IQCM: variants seen among roughly 807,000 people sequenced by gnomAD.
The protein encoded by IQCM is IQ motif containing M.
IQCM carries 45 observed loss-of-function variants against 57.6 expected under a neutral mutation model. The ratio of observed to expected loss-of-function variants is 0.78; its 90% CI spans 0.62 to 1.00. IQCM has a LOEUF of 1.00. Among genes scored for constraint, IQCM ranks in the 50% least tolerant of loss-of-function variants. The pLI, the probability that IQCM is intolerant of heterozygous loss-of-function variation, is 0.00. For missense variants in IQCM, 468 were observed against 511.6 expected (o/e 0.91, Z 0.82); for synonymous variants, 148 against 158.9 (o/e 0.93, Z 0.51).
chr4:149,397,443 C>G (rs771604093), intron 13 of IQCM, among the ~76,000 whole-genome samples: 13 of 151,848 alleles, frequency 8.6e-5, no homozygotes, highest in Non-Finnish European at 1.3e-4. Flanking sequence ...GGTGATTTCC[C>G]CCATTGCTGT....
chr4:149,481,712 T>TTTTTGTTTGTTTG, intron 12 of IQCM, among the ~76,000 whole-genome samples: 2 of 138,824 alleles, frequency 1.4e-5, no homozygotes, highest in African/African-American at 2.7e-5. Flanking sequence ...TTTTTTTTTT[T>TTTTTGTTTGTTTG]TTTTTTTTTT....
chr4:149,399,040 T>C (rs916441752), intron 13 of IQCM, among the ~76,000 whole-genome samples: 10 of 152,212 alleles, frequency 6.6e-5, no homozygotes, highest in Middle Eastern at 6.8e-3. Flanking sequence ...TGGTCCCATA[T>C]TTTATTCTTG....
chr4:149,765,185 G>T (rs1769923854), intron 2 of IQCM, among the ~76,000 whole-genome samples: 1 of 152,036 alleles, frequency 6.6e-6, no homozygotes, highest in Non-Finnish European at 1.5e-5. Flanking sequence ...AGCTAATGCT[G>T]GGATCAGGGA....
chr4:149,671,179 AG>A (rs1306193903), intron 7 of IQCM, among the ~76,000 whole-genome samples: 2 of 152,090 alleles, frequency 1.3e-5, no homozygotes, highest in African/African-American at 4.8e-5. Context: ...TGGTCTATTC[AG>A]GGATTCAACT....
At chr4:149,392,125 G>T (rs1731899121) in intron 13 of IQCM, among the ~76,000 whole-genome samples, 1 of 146,158 alleles carries the variant, frequency 6.8e-6, no homozygotes. Context: ...AATTTTGTCA[G>T]TTTTTTTTTT....
At chr4:149,528,087 G>A in intron 12 of IQCM, among the ~76,000 whole-genome samples, 1 of 151,808 alleles carries the variant, frequency 6.6e-6, no homozygotes, top group East Asian at 1.9e-4. Context: ...CTGCGTTCAA[G>A]TGATTCTCGT....
chr4:149,500,289 A>G (rs2149790894), intron 12 of IQCM, among the ~76,000 whole-genome samples: 2 of 152,342 alleles, frequency 1.3e-5, no homozygotes, highest in South Asian at 4.1e-4. Flanking sequence ...TTATGATCCA[A>G]GACAGCAAAG....
chr4:149,429,875 T>A (rs899793360), intron 13 of IQCM: 2 of 660,774 alleles, frequency 3.0e-6, no homozygotes, highest in Non-Finnish European at 4.3e-6. Flanking sequence ...AAGAAAAAAA[T>A]CAGCAAAAAG....
chr4:149,658,331 T>C (rs977391506), intron 7 of IQCM, among the ~76,000 whole-genome samples: 11 of 152,122 alleles, frequency 7.2e-5, no homozygotes, highest in South Asian at 6.2e-4. Context: ...AATTTATTTC[T>C]GGGCTCTCTG....
intron 2 of IQCM, among the ~76,000 whole-genome samples, chr4:149,770,175 A>G (rs2149985380): frequency 6.6e-6 from 1 of 151,112 alleles, no homozygotes; most frequent in South Asian, 2.1e-4. Context: ...AAATAAGTGT[A>G]TTTTATCAAT....
At chr4:149,692,699 C>A (rs959005498) in intron 5 of IQCM, among the ~76,000 whole-genome samples, 1 of 152,070 alleles carries the variant, frequency 6.6e-6, no homozygotes, top group African/African-American at 2.4e-5. Context: ...AACATTGCTG[C>A]AGATAAACCT....
chr4:149,738,763 C>G (rs1767174640), intron 3 of IQCM, among the ~76,000 whole-genome samples: 1 of 152,086 alleles, frequency 6.6e-6, no homozygotes, highest in African/African-American at 2.4e-5. Context: ...AGTCCTGAGC[C>G]CTTGTTGTCA....
chr4:149,360,828 G>T (rs6535677), intron 13 of IQCM, among the ~76,000 whole-genome samples: 15,243 of 152,150 alleles, frequency 0.1, 1,268 homozygotes, highest in African/African-American at 0.23. Flanking sequence ...ATTGGTACCA[G>T]CAGAGTGGGG....
intron 13 of IQCM, among the ~76,000 whole-genome samples, chr4:149,355,578 AT>A (rs1341478726): frequency 2.0e-5 from 3 of 152,034 alleles, no homozygotes; most frequent in Admixed American, 6.6e-5. Flanking sequence ...TGAACTCATC[AT>A]TTTTTATAGC....
chr4:149,674,339 T>A (rs1761565786), intron 7 of IQCM, among the ~76,000 whole-genome samples: 1 of 152,142 alleles, frequency 6.6e-6, no homozygotes, highest in Non-Finnish European at 1.5e-5. Flanking sequence ...TAGTAAGCCC[T>A]TTTTATGTGC....
intron 12 of IQCM, among the ~76,000 whole-genome samples, chr4:149,512,900 T>C (rs1025991032): frequency 6.6e-6 from 1 of 152,194 alleles, no homozygotes; most frequent in African/African-American, 2.4e-5. Flanking sequence ...AGGGATTTAA[T>C]CTAAGTTTAC....
chr4:149,705,927 T>A (rs1334526839), intron 5 of IQCM, among the ~76,000 whole-genome samples: 2 of 147,752 alleles, frequency 1.4e-5, no homozygotes, highest in African/African-American at 2.4e-5. Context: ...AAAAAAAAAA[T>A]TCTATATCTT....
At chr4:149,750,493 A>G (rs939424651) in intron 2 of IQCM, among the ~76,000 whole-genome samples, 3 of 152,240 alleles carry the variant, frequency 2.0e-5, no homozygotes, top group Non-Finnish European at 2.9e-5. Context: ...AAAAAAGGTA[A>G]TAAGAGCCTT....
At chr4:149,578,237 C>G (rs1162051024) in intron 9 of IQCM, among the ~76,000 whole-genome samples, 1 of 151,682 alleles carries the variant, frequency 6.6e-6, no homozygotes, top group Non-Finnish European at 1.5e-5. Flanking sequence ...ATTGTTCTGG[C>G]TAAGACTCCT....
Sources: allele counts gnomAD v4.1 joint callset (sites outside exome capture counted in the v4.1 genomes callset), GRCh38; gene constraint gnomAD v4.1.1; transcripts MANE v1.5; gene names NCBI Gene and HGNC (gene_info 2026-07-23, HGNC 2026-07-21).